WDFY4: variants seen among roughly 807,000 people sequenced by gnomAD.
WDFY4 encodes WDFY family member 4.
Under a neutral mutation model 351.9 loss-of-function variants are expected in WDFY4, and 169 were observed. The observed-to-expected ratio is 0.48, with a 90% CI of 0.42 to 0.55. The LOEUF (loss-of-function observed/expected upper bound fraction) is 0.55. Among genes scored for constraint, WDFY4 ranks in the 20% least tolerant of loss-of-function variants. The probability of loss-of-function intolerance (pLI) is 0.00; values close to 1 mark genes in which losing one functional copy is unlikely to be tolerated. For synonymous variants in WDFY4, 1,622 were observed against 1,574.6 expected (o/e 1.03, Z -0.71); for missense variants, 3,803 against 3,935.6 (o/e 0.97, Z 0.90).
intron 11 of WDFY4, among the ~76,000 whole-genome samples, chr10:48,736,784 A>G (rs1469342193): frequency 2.0e-5 from 3 of 152,194 alleles, no homozygotes; most frequent in Admixed American, 6.5e-5. Flanking sequence ...GGAGAGACCA[A>G]TGCTGCCTTA....
At chr10:48,821,007 T>C in intron 33 of WDFY4, 55 bp from the exon 34 acceptor site, 1 of 1,282,894 alleles carries the variant, frequency 7.8e-7, no homozygotes, top group East Asian at 2.5e-5. Context: ...CGGTGGGCAC[T>C]GGGTGCACAC....
At chr10:48,846,910 C>T (rs1041085633) in intron 39 of WDFY4, among the ~76,000 whole-genome samples, 4 of 152,084 alleles carry the variant, frequency 2.6e-5, no homozygotes, top group South Asian at 2.1e-4. Context: ...TCATAAAGCC[C>T]GAAGAAGAGA....
intron 31 of WDFY4, among the ~76,000 whole-genome samples, chr10:48,815,698 A>G (rs2067595871): frequency 6.6e-6 from 1 of 151,808 alleles, no homozygotes; most frequent in Non-Finnish European, 1.5e-5. Flanking sequence ...CGTTATTATT[A>G]GATACCCTTT....
intron 47 of WDFY4, among the ~76,000 whole-genome samples, chr10:48,935,429 G>A (rs1346564191): frequency 2.0e-5 from 3 of 152,226 alleles, no homozygotes; most frequent in Non-Finnish European, 2.9e-5. Context: ...GCAGTCAGTG[G>A]GAGAGGATCG....
At position 48,771,295 on chromosome 10, in the gene WDFY4, A is replaced by G. The variant is rs908428434; in HGVS notation, c.2554-3163A>G. Reference sequence around the variant, plus strand: ...ATTTCTGTCACTTAGTGCTAGCAACATACTCGACCATTTTTAGGAGGGAAC... The same window carrying G: ...ATTTCTGTCACTTAGTGCTAGCAACGTACTCGACCATTTTTAGGAGGGAAC... On this transcript the variant is annotated intron_variant, in intron 13 of 61. Transcript: ENST00000325239. Among the ~76,000 whole-genome samples, 4 of 152,368 alleles carry G rather than the reference A, an allele frequency of 2.6e-5. No homozygotes were observed. In the East Asian group the frequency reaches 7.7e-4, roughly 29 times the overall value.
chr10:48,968,764 G>T (rs995364749), intron 55 of WDFY4: 5 of 418,994 alleles, frequency 1.2e-5, no homozygotes, highest in Non-Finnish European at 2.2e-5. Flanking sequence ...CGTGCTGTGA[G>T]CCATATTCCA....
intron 23 of WDFY4, among the ~76,000 whole-genome samples, chr10:48,793,249 G>A (rs1405142664): frequency 6.6e-6 from 1 of 152,196 alleles, no homozygotes; most frequent in Non-Finnish European, 1.5e-5. Context: ...AATACTGTTA[G>A]CATGAGGGAG....
intron 44 of WDFY4, among the ~76,000 whole-genome samples, chr10:48,895,032 G>A (rs546226447): frequency 2.6e-5 from 4 of 152,222 alleles, no homozygotes; most frequent in Non-Finnish European, 4.4e-5. Context: ...ACCACAATGC[G>A]GCTTAGAGGA....
intron 7 of WDFY4, among the ~76,000 whole-genome samples, chr10:48,729,199 A>G (rs1048516819): frequency 6.6e-6 from 1 of 152,252 alleles, no homozygotes; most frequent in Admixed American, 6.5e-5. Context: ...CTGTGAGCAG[A>G]TGGCATAGCT....
At chr10:48,821,000 TG>T in intron 33 of WDFY4, 61 bp from the exon 34 acceptor site, 3 of 1,195,344 alleles carry the variant, frequency 2.5e-6, no homozygotes, top group South Asian at 2.6e-5. Flanking sequence ...AGGGAGGCGG[TG>T]GGCACTGGGT....
In WDFY4 at chr10:48,743,470, C is replaced by T. The variant is rs756232461; in HGVS notation, c.2381C>T (p.Pro794Leu). 77 of 1,547,972 alleles carry T rather than the reference C, an allele frequency of 5.0e-5. No individual in the cohort carries two copies. The highest frequency in any genetic ancestry group is 8.3e-5 in the South Asian group (7 of 84,054). The change falls in exon 12 of 62, where the codon CCG (proline) becomes CTG (leucine). Residue 794 changes from proline to leucine, a missense_variant. Physicochemically the swap from Pro to Leu is moderately conservative, Grantham distance 98 (BLOSUM62 -3). Around this residue, in one of 3 missense-constraint regions of WDFY4, gnomAD observed 3,054 missense variants for 3,148.6 expected, o/e 0.97. Coordinates refer to ENST00000325239, the MANE Select transcript of WDFY4 (RefSeq NM_001394531.1). ...GAGTCCCTGAGGACCAAGCAGGGGC[C>T]GGTTGTGGATGTTCAGAAGGGAGAA... Reference protein sequence around the residue: ...LKESLRTKQGPVVDVQKGETG... With the variant: ...LKESLRTKQGLVVDVQKGETG...
chr10:48,733,996 A>G lies in WDFY4; in HGVS notation c.1648A>G (p.Ile550Val), dbSNP rs1299545809. 2.6e-6 allele frequency: 4 copies of G among 1,551,986 alleles called. No homozygotes were observed. The highest frequency in any genetic ancestry group is 1.2e-5 in the South Asian group (1 of 84,068). Reference protein sequence around the residue: ...ERELTCVMLRIVVTLLKGSVR... With the variant: ...ERELTCVMLRVVVTLLKGSVR... ...AGAACTCACCTGTGTGATGCTGAGG[A>G]TTGTAGTCACACTTCTGAAAGGCTC... Residue 550 changes from isoleucine to valine, a missense_variant, in exon 10 of 62, where the codon ATT becomes GTT. Physicochemically the swap from Ile to Val is conservative, Grantham distance 29 (BLOSUM62 3). Around this residue, in one of 3 missense-constraint regions of WDFY4, gnomAD observed 261 missense variants for 330.2 expected, o/e 0.79. Transcript: ENST00000325239.
intron 19 of WDFY4, among the ~76,000 whole-genome samples, chr10:48,780,518 C>T (rs1238791674): frequency 6.6e-6 from 1 of 152,202 alleles, no homozygotes; most frequent in Non-Finnish European, 1.5e-5. Context: ...GCCAACGCAG[C>T]TCATCTTTGC....
At chr10:48,775,533 G>A (rs1023378722) in intron 14 of WDFY4, among the ~76,000 whole-genome samples, 179 bp from the exon 15 acceptor site, 1 of 152,150 alleles carries the variant, frequency 6.6e-6, no homozygotes, top group South Asian at 2.1e-4. Flanking sequence ...CAGCTCTCTG[G>A]TCTGGTCTGG....
chr10:48,765,798 C>T (rs917889933), intron 13 of WDFY4, among the ~76,000 whole-genome samples: 2 of 152,174 alleles, frequency 1.3e-5, no homozygotes, highest in Non-Finnish European at 2.9e-5. Context: ...TATTGTCATC[C>T]TCAGTCTGCA....
intron 39 of WDFY4, among the ~76,000 whole-genome samples, chr10:48,833,621 A>G (rs140682479): frequency 1.3e-5 from 2 of 152,332 alleles, no homozygotes; most frequent in African/African-American, 4.8e-5. Context: ...GGGACTGGAA[A>G]TGTTGCTGAG....
intron 39 of WDFY4, among the ~76,000 whole-genome samples, chr10:48,838,701 C>G (rs1249591679): frequency 6.6e-6 from 1 of 152,212 alleles, no homozygotes; most frequent in African/African-American, 2.4e-5. Context: ...TTATGACTTC[C>G]CACTTCCCCC....
chr10:48,887,745 C>T (rs577228462), intron 43 of WDFY4, among the ~76,000 whole-genome samples: 8 of 147,702 alleles, frequency 5.4e-5, no homozygotes, highest in African/African-American at 2.0e-4. Flanking sequence ...CGCCACTGCA[C>T]TCCAGCCTGG....
rs1202619601 is a variant in WDFY4, at chr10:48,946,886, T to C, written c.7894T>C (p.Tyr2632His). ...AGACATGACTGTCCAGTGCCACTACTACACCCACTACTCCTCGGCCATCAT... is the reference window on the plus strand; with the variant it reads ...AGACATGACTGTCCAGTGCCACTACCACACCCACTACTCCTCGGCCATCAT... ...EGDMTVQCHY[Y>H]THYSSAIIVA... is the part of the protein sequence containing the mutation. The change falls in exon 51 of 62, where the codon TAC becomes CAC. Residue 2632 changes from tyrosine (Y) to histidine (H), a missense_variant. Around this residue, in one of 3 missense-constraint regions of WDFY4, gnomAD observed 3,054 missense variants for 3,148.6 expected, o/e 0.97. Coordinates refer to ENST00000325239, the MANE Select transcript of WDFY4 (RefSeq NM_001394531.1). 6.4e-7 allele frequency: 1 copy of C among 1,552,106 alleles called. No individual in the cohort carries two copies. Among genetic ancestry groups the C allele is most frequent in the Non-Finnish European group, 8.7e-7 (1 of 1,147,092 alleles).
Sources: allele counts gnomAD v4.1 joint callset (sites outside exome capture counted in the v4.1 genomes callset), GRCh38; gene constraint gnomAD v4.1.1; regional missense constraint gnomAD v4.1.1; transcripts MANE v1.5; gene names NCBI Gene and HGNC (gene_info 2026-07-23, HGNC 2026-07-21).